QRICH1: variants seen among roughly 807,000 people sequenced by gnomAD.
QRICH1 encodes the protein transcriptional regulator QRICH1.
Under a neutral mutation model 87.1 loss-of-function variants are expected in QRICH1, and 16 were observed. The ratio of observed to expected loss-of-function variants is 0.18; its 90% CI spans 0.12 to 0.28. The LOEUF (loss-of-function observed/expected upper bound fraction) is 0.28, where lower values mean the gene tolerates loss of function less well. Ranked by LOEUF, QRICH1 falls within the 10% of genes least tolerant of loss-of-function variation. The probability of loss-of-function intolerance (pLI) is 1.00; values close to 1 mark genes in which losing one functional copy is unlikely to be tolerated. For synonymous variants in QRICH1, 367 were observed against 368.4 expected (o/e 1.00, Z 0.05); for missense variants, 647 against 951.7 (o/e 0.68, Z 4.21).
At chr3:49,090,206 T>A (rs562138755) in intron 1 of QRICH1, among the ~76,000 whole-genome samples, 1 of 152,280 alleles carries the variant, frequency 6.6e-6, no homozygotes, top group South Asian at 2.1e-4. Context: ...ACGCCTGTAA[T>A]CCCAGCACTG....
rs142501529 is a variant in QRICH1 at position 49,044,703 on chromosome 3, G to A, written c.1672-199C>T. ...TTCTCATGACATTCTTGAGAGTTGG[G>A]TAAATAAGGCAGATGTTGTGAATGC... On this transcript the variant is annotated intron_variant, in intron 5 of 9. Coordinates refer to ENST00000395443, the MANE Select transcript of QRICH1 (RefSeq NM_198880.3). Among the ~76,000 whole-genome samples the A allele has an allele frequency of 3.0e-3, 454 of 152,216 alleles. 4 individuals are homozygous for A. Among genetic ancestry groups the A allele is most frequent in the African/African-American group, 0.01 (431 of 41,544 alleles).
intron 2 of QRICH1, among the ~76,000 whole-genome samples, chr3:49,076,225 T>C (rs1358704202): frequency 1.3e-5 from 2 of 152,118 alleles, no homozygotes; most frequent in African/African-American, 4.8e-5. Context: ...ACAACCCAAG[T>C]ACAATGACAT....
At chr3:49,056,783 G>GCTACT in intron 3 of QRICH1, 79 bp downstream of exon 3, 2 of 1,600,572 alleles carry the variant, frequency 1.2e-6, no homozygotes, top group Non-Finnish European at 1.7e-6. Context: ...AAATAAGCCA[G>GCTACT]AGGTTGCGAG....
intron 6 of QRICH1, among the ~76,000 whole-genome samples, chr3:49,043,496 CAAAAAAA>C (rs57402124): frequency 4.0e-4 from 15 of 37,622 alleles, no homozygotes; most frequent in East Asian, 1.7e-3. Flanking sequence ...AACTCTGTCT[CAAAAAAA>C]AAAAAAAAAA....
chr3:49,041,315 G>A (rs1433513511), intron 6 of QRICH1, among the ~76,000 whole-genome samples: 1 of 149,862 alleles, frequency 6.7e-6, no homozygotes, highest in Non-Finnish European at 1.5e-5. Flanking sequence ...TTTCTTTGGT[G>A]AGGTATCTGG....
rs545643179 is a variant in QRICH1, at chr3:49,065,976, T to C, written c.310-8086A>G. Among the ~76,000 whole-genome samples the C allele has an allele frequency of 1.4e-4, 22 of 152,202 alleles. No homozygotes were observed. In the South Asian group the frequency reaches 4.4e-3, roughly 30 times the overall value. Reference sequence around the variant, plus strand: ...GGGATTACAGGCCCCTACGAGTCTCTTGAACTACCATTTGTGAATCACTTC... The same window carrying C: ...GGGATTACAGGCCCCTACGAGTCTCCTGAACTACCATTTGTGAATCACTTC... On this transcript the variant is annotated intron_variant, in intron 2 of 9. Transcript: ENST00000395443.
intron 2 of QRICH1, among the ~76,000 whole-genome samples, chr3:49,072,138 C>T (rs1320860735): frequency 6.6e-6 from 1 of 152,070 alleles, no homozygotes; most frequent in Non-Finnish European, 1.5e-5. Context: ...CAAGACCACC[C>T]TAGCCAACAT....
At chr3:49,075,907 G>A (rs1304141010) in intron 2 of QRICH1, among the ~76,000 whole-genome samples, 1 of 151,926 alleles carries the variant, frequency 6.6e-6, no homozygotes, top group Non-Finnish European at 1.5e-5. Flanking sequence ...CTCCAGCCTG[G>A]GTGACAGAAT....
intron 3 of QRICH1, among the ~76,000 whole-genome samples, chr3:49,048,895 C>T (rs2093354142): frequency 1.3e-5 from 2 of 151,250 alleles, no homozygotes; most frequent in Non-Finnish European, 2.9e-5. Context: ...AAAAGCTTCC[C>T]ATGTGATTTT....
At chr3:49,062,020 T>G (rs1251675522) in intron 2 of QRICH1, among the ~76,000 whole-genome samples, 2 of 152,026 alleles carry the variant, frequency 1.3e-5, no homozygotes, top group African/African-American at 2.4e-5. Context: ...ATAGACAACT[T>G]GAAACTGCTG....
In QRICH1 at chr3:49,081,414, C is replaced by T. The variant is rs572929765; in HGVS notation, c.-21-4376G>A. Among the ~76,000 whole-genome samples, 121 of 144,124 alleles carry T rather than the reference C, an allele frequency of 8.4e-4. 2 individuals carry two copies. In the East Asian group the frequency reaches 0.022, roughly 27 times the overall value. 94.6% of individuals were successfully genotyped at this position (144,124 alleles called of 152,430 possible). A position where few individuals can be genotyped will look rare whatever the true frequency, so the allele number is the denominator to read the frequency against. On this transcript the variant is annotated intron_variant, in intron 1 of 9. Coordinates refer to ENST00000395443, the MANE Select transcript of QRICH1 (RefSeq NM_198880.3). ...CCTAGGCAACAGAGTGAGACTCCATCTTAAAAAAAAAAAAAAAAAAATTTC... is the reference window on the plus strand; with the variant it reads ...CCTAGGCAACAGAGTGAGACTCCATTTTAAAAAAAAAAAAAAAAAAATTTC...
intron 3 of QRICH1, among the ~76,000 whole-genome samples, chr3:49,053,960 C>T (rs963620974): frequency 5.9e-5 from 9 of 152,240 alleles, no homozygotes; most frequent in Non-Finnish European, 1.0e-4. Flanking sequence ...TAGCACAGAG[C>T]CTGCATAAGA....
chr3:49,087,818 CAAAAAAAAA>C (rs58022360), intron 1 of QRICH1, among the ~76,000 whole-genome samples: 6 of 47,686 alleles, frequency 1.3e-4, no homozygotes, highest in East Asian at 2.0e-3. Context: ...AGGTTCATCT[CAAAAAAAAA>C]AAAAAAAAAA....
intron 2 of QRICH1, among the ~76,000 whole-genome samples, chr3:49,075,953 C>T (rs1435146027): frequency 6.6e-6 from 1 of 151,958 alleles, no homozygotes; most frequent in Non-Finnish European, 1.5e-5. Context: ...AAAAAAACAA[C>T]CCAGGTGTGG....
chr3:49,053,209 C>T (rs1436358266), intron 3 of QRICH1, among the ~76,000 whole-genome samples: 4 of 152,098 alleles, frequency 2.6e-5, no homozygotes, highest in African/African-American at 9.7e-5. Context: ...AAAGTCTCGG[C>T]CAGGCGCGGT....
At chr3:49,065,231 G>A (rs1575358765) in intron 2 of QRICH1, among the ~76,000 whole-genome samples, 1 of 150,082 alleles carries the variant, frequency 6.7e-6, no homozygotes, top group South Asian at 2.1e-4. Context: ...TGCAACCTTT[G>A]CCTCCTGGGT....
intron 9 of QRICH1, among the ~76,000 whole-genome samples, chr3:49,031,869 GA>G (rs1444812576): frequency 6.6e-6 from 1 of 152,224 alleles, no homozygotes; most frequent in Non-Finnish European, 1.5e-5. Flanking sequence ...TGATGGCAGT[GA>G]CAAAAGGTCA....
chr3:49,056,974 G>A lies in QRICH1; in HGVS notation c.1226C>T (p.Thr409Met), dbSNP rs767564156. ...VQAVAGTYQN[T>M]AQTVHIWDPQ... ...GTCCCATATATGGACAGTTTGAGCC[G>A]TATTCTGGTACGTGCCTGCCACAGC... Residue 409 changes from threonine to methionine, a missense_variant, in exon 3 of 10, where the codon ACG becomes ATG. Transcript: ENST00000395443. 3.1e-6 allele frequency: 5 copies of A among 1,614,068 alleles called. No individual in the cohort carries two copies. The highest frequency in any genetic ancestry group is 2.7e-5 in the African/African-American group (2 of 74,932).
intron 3 of QRICH1, among the ~76,000 whole-genome samples, chr3:49,052,349 A>T (rs140578257): frequency 6.6e-6 from 1 of 152,180 alleles, no homozygotes; most frequent in African/African-American, 2.4e-5. Flanking sequence ...GGTATTGTCA[A>T]TAAGTCCAAG....
Sources: allele counts gnomAD v4.1 joint callset (sites outside exome capture counted in the v4.1 genomes callset), GRCh38; gene constraint gnomAD v4.1.1; transcripts MANE v1.5; gene names NCBI Gene and HGNC (gene_info 2026-07-23, HGNC 2026-07-21).